RMDN3: variants seen among roughly 807,000 people sequenced by gnomAD.
RMDN3 encodes regulator of microtubule dynamics 3.
Under a neutral mutation model 61.8 loss-of-function variants are expected in RMDN3, and 41 were observed. The ratio of observed to expected loss-of-function variants is 0.66; its 90% CI spans 0.52 to 0.86. RMDN3 has a LOEUF of 0.86. RMDN3 is among the 40% of genes least tolerant of loss of function. RMDN3 has a pLI of 0.00. For synonymous variants in RMDN3, 247 were observed against 232.0 expected (o/e 1.06, Z -0.59); for missense variants, 557 against 585.3 (o/e 0.95, Z 0.50).
Position 40,736,294 on chromosome 15 carries a change from C to G in RMDN3, c.*247G>C. The G allele has an allele frequency of 2.2e-6, 1 of 460,116 alleles. No individual in the cohort carries two copies. Among genetic ancestry groups the G allele is most frequent in the East Asian group, 3.5e-5 (1 of 28,856 alleles). 28.5% of individuals were successfully genotyped at this position (460,116 alleles called of 1,614,324 possible). ...GTGTAATCCTGGGGCAGGTGTGAAT[C>G]TTGATTTTTTTAAGAGATTACTCAA... On this transcript the variant is annotated 3_prime_UTR_variant, in exon 13 of 13. Coordinates refer to ENST00000338376, the MANE Select transcript of RMDN3 (RefSeq NM_018145.3).
At chr15:40,740,491 C>G (rs140361227) in intron 6 of RMDN3, among the ~76,000 whole-genome samples, 233 of 152,202 alleles carry the variant, frequency 1.5e-3, no homozygotes, top group Admixed American at 2.2e-3. Flanking sequence ...ACCAAAAATA[C>G]AAAAATTAGC....
chr15:40,741,615 A>G (rs1451019339), intron 6 of RMDN3, among the ~76,000 whole-genome samples: 1 of 79,988 alleles, frequency 1.3e-5, no homozygotes, highest in Non-Finnish European at 2.8e-5. Context: ...ACACTGCAAC[A>G]TAGGATTTTT....
intron 4 of RMDN3, among the ~76,000 whole-genome samples, chr15:40,748,305 T>C (rs1467420916): frequency 1.3e-5 from 2 of 152,152 alleles, no homozygotes; most frequent in African/African-American, 4.8e-5. Context: ...TTGACCTACA[T>C]GGCAATGACC....
At chr15:40,745,836 GTGGGTGCAGCCT>G (rs1159144470) in intron 4 of RMDN3, among the ~76,000 whole-genome samples, 1 of 152,172 alleles carries the variant, frequency 6.6e-6, no homozygotes, top group African/African-American at 2.4e-5. Context: ...ACCAACATGG[GTGGGTGCAGCCT>G]CAGGCCATGG....
Position 40,736,473 on chromosome 15 carries a change from G to C in RMDN3, c.*68C>G. On this transcript the variant is annotated 3_prime_UTR_variant, in exon 13 of 13. Coordinates refer to ENST00000338376, the MANE Select transcript of RMDN3 (RefSeq NM_018145.3). Reference sequence around the variant, plus strand: ...GTTTCCTGATCTCAGCAAGGTCTAAGGAAAAAAGCCTCCCCGCCCCCCCAC... The same window carrying C: ...GTTTCCTGATCTCAGCAAGGTCTAACGAAAAAAGCCTCCCCGCCCCCCCAC... 2 of 1,469,412 alleles carry C rather than the reference G, an allele frequency of 1.4e-6. No homozygotes were observed. The highest frequency in any genetic ancestry group is 1.9e-6 in the Non-Finnish European group (2 of 1,050,208). The allele number at this position is 1,469,412 out of a possible 1,614,324, so 91.0% of individuals were successfully genotyped here.
At chr15:40,744,906 C>T in intron 5 of RMDN3, 71 bp downstream of exon 5, 1 of 1,469,656 alleles carries the variant, frequency 6.8e-7, no homozygotes, top group Non-Finnish European at 9.1e-7. Context: ...GGCCTTCATT[C>T]CCCAGGGGTC....
chr15:40,741,355 T>C (rs1280785162), intron 6 of RMDN3, among the ~76,000 whole-genome samples: 5 of 151,364 alleles, frequency 3.3e-5, no homozygotes, highest in Admixed American at 3.3e-4. Flanking sequence ...AAAAAAAAAT[T>C]CTCAAAAGGA....
intron 6 of RMDN3, among the ~76,000 whole-genome samples, chr15:40,742,227 C>CT (rs35290168): frequency 0.49 from 72,338 of 147,114 alleles, 18,560 homozygotes; most frequent in East Asian, 0.77. Flanking sequence ...AGGCTAGTCT[C>CT]TAACTCCTGG....
Position 40,737,643 on chromosome 15 carries a change from G to A in RMDN3, c.1209C>T (p.Leu403=). The A allele has an allele frequency of 6.2e-7, 1 of 1,614,004 alleles. No individual in the cohort carries two copies. Among genetic ancestry groups the A allele is most frequent in the Non-Finnish European group, 8.5e-7 (1 of 1,179,918 alleles). Residue 403 remains leucine, a synonymous_variant, in exon 10 of 13, where the codon CTC becomes CTT. Transcript: ENST00000338376. ...SPLSATVEDA[L]QSFLKAEELQ... ...CCTCTCATACCTTTAGGAAGCTCTG[G>A]AGGGCATCTTCCACAGTGGCACTGA...
At position 40,744,033 on chromosome 15, in the gene RMDN3, CT is replaced by C. The variant is rs746621653; in HGVS notation, c.910+13del. ...CAGTCAGTCACCTTCCCACAGGAAGCTGTCAGCACTTACCATCTAGGGCATA... is the reference window on the plus strand; with the variant it reads ...CAGTCAGTCACCTTCCCACAGGAAGCGTCAGCACTTACCATCTAGGGCATA... On this transcript the variant is annotated intron_variant, in intron 6 of 12. Coordinates refer to ENST00000338376, the MANE Select transcript of RMDN3 (RefSeq NM_018145.3). 6.3e-6 allele frequency: 10 copies of C among 1,598,124 alleles called. No individual in the cohort carries two copies. Among genetic ancestry groups the C allele is most frequent in the Non-Finnish European group, 8.5e-6 (10 of 1,170,582 alleles).
At chr15:40,740,027 T>C (rs1897216329) in intron 7 of RMDN3, 106 bp downstream of exon 7, 1 of 756,242 alleles carries the variant, frequency 1.3e-6, no homozygotes, top group African/African-American at 1.7e-5. Flanking sequence ...CTCCCTCTCC[T>C]GGATCCTTTG....
intron 6 of RMDN3, among the ~76,000 whole-genome samples, chr15:40,740,500 G>A (rs1897238767): frequency 6.6e-6 from 1 of 152,130 alleles, no homozygotes; most frequent in Non-Finnish European, 1.5e-5. Flanking sequence ...ACAAAAATTA[G>A]CTGGGCGTGG....
chr15:40,751,532 G>A lies in RMDN3; in HGVS notation c.418C>T (p.Arg140Ter), dbSNP rs771775223. Residue 140 changes from arginine to a stop codon, truncating the protein, a stop_gained, in exon 4 of 13, where the codon CGA becomes TGA. Transcript: ENST00000338376. LOFTEE classifies it high-confidence loss of function. The part of the protein sequence containing the change: ...MEENQRVARR[R>*]RFPFVRERSD... ...CTCTCCCGGACAAACGGAAACCTTC[G>A]CCGCCGAGCCACTCTCTGGTTCTCT... 5.6e-6 allele frequency: 9 copies of A among 1,614,040 alleles called. No individual in the cohort carries two copies. Among genetic ancestry groups the A allele is most frequent in the South Asian group, 1.1e-5 (1 of 91,076 alleles).
At chr15:40,752,710 C>T (rs1265149487) in intron 2 of RMDN3, among the ~76,000 whole-genome samples, 1 of 152,078 alleles carries the variant, frequency 6.6e-6, no homozygotes, top group Non-Finnish European at 1.5e-5. Flanking sequence ...AAAGGTACAC[C>T]AGAAAAAGCC....
At chr15:40,744,431 A>G (rs576056588) in intron 5 of RMDN3, 1 of 340,792 alleles carries the variant, frequency 2.9e-6, no homozygotes, top group Non-Finnish European at 5.5e-6. Context: ...CCAAGATGTC[A>G]TAAGGCACGA....
Position 40,751,771 on chromosome 15 carries a change from G to T in RMDN3, c.381-202C>A. On this transcript the variant is annotated intron_variant, in intron 3 of 12. Coordinates refer to ENST00000338376, the MANE Select transcript of RMDN3 (RefSeq NM_018145.3). ...AGACAGACTAGGTTAGGCAAACAGA[G>T]CGCTTCAGCTGCTACAACAGATCAA... 5 of 854,734 alleles carry T rather than the reference G, an allele frequency of 5.8e-6. No individual in the cohort carries two copies. The South Asian group carries it at 6.4e-5, about 11-fold the overall frequency. The allele number at this position is 854,734 out of a possible 1,614,324, so 52.9% of individuals were successfully genotyped here.
In RMDN3 at chr15:40,751,360, TTGA is replaced by T. The variant is rs1441211879; in HGVS notation, c.524+63_524+65del. 3.2e-5 allele frequency: 50 copies of T among 1,565,924 alleles called. No homozygotes were observed. The Middle Eastern group carries it at 6.8e-4, about 21-fold the overall frequency. On this transcript the variant is annotated intron_variant, in intron 4 of 12. Transcript: ENST00000338376. The stretch of plus-strand genomic sequence containing the variant: ...GCAGCAGCTTGGTTTGAATTTTCCA[TTGA>T]TAATACTTTTACAAAACACAACCTG...
At chr15:40,745,410 T>TTA in intron 4 of RMDN3, 151 bp from the exon 5 acceptor site, 5 of 688,234 alleles carry the variant, frequency 7.3e-6, no homozygotes, top group Non-Finnish European at 9.2e-6. Context: ...CAGACTTTTT[T>TTA]TCTTTTTTTT....
chr15:40,745,038 T>G lies in RMDN3; in HGVS notation c.746A>C (p.His249Pro). 3.1e-6 allele frequency: 5 copies of G among 1,614,092 alleles called. No individual in the cohort carries two copies. Among genetic ancestry groups the G allele is most frequent in the Non-Finnish European group, 4.2e-6 (5 of 1,179,998 alleles). The change falls in exon 5 of 13, where the codon CAC (histidine) becomes CCC (proline). Residue 249 changes from histidine (H) to proline (P), a missense_variant. By Grantham distance (77) the His-to-Pro change is moderately conservative. Transcript: ENST00000338376. ...CCGCTTGCCTTGCTCATCACCCCTGTGCAGCTCGTCGGCCTGCTGCAGGAG... is the reference window on the plus strand; with the variant it reads ...CCGCTTGCCTTGCTCATCACCCCTGGGCAGCTCGTCGGCCTGCTGCAGGAG... ...LPLLQQADELHRGDEQGKREG... is the reference protein window; with the variant it reads ...LPLLQQADELPRGDEQGKREG...
Sources: allele counts gnomAD v4.1 joint callset (sites outside exome capture counted in the v4.1 genomes callset), GRCh38; gene constraint gnomAD v4.1.1; transcripts MANE v1.5; gene names NCBI Gene and HGNC (gene_info 2026-07-23, HGNC 2026-07-21).